The following TBX4 variants were observed in gnomAD, a reference collection of about 807,000 sequenced individuals.
TBX4 encodes T-box transcription factor TBX4.
TBX4 carries 13 observed loss-of-function variants against 54.6 expected under a neutral mutation model. That is an observed-to-expected ratio of 0.24 (90% CI 0.15 to 0.38). TBX4 has a LOEUF of 0.38. TBX4 is among the 10% of genes least tolerant of loss of function. The pLI is 1.00. For synonymous variants in TBX4, 314 were observed against 306.7 expected (o/e 1.02, Z -0.25); for missense variants, 631 against 728.5 (o/e 0.87, Z 1.54).
chr17:61,479,023 A>G lies in TBX4; in HGVS notation c.702+244A>G, dbSNP rs931071961. ...ACGGTCTCTGTGTTTTGGGGAATGG[A>G]GAAAATTGGCAACTGTAAAAACCAG... On this transcript the variant is annotated intron_variant, in intron 6 of 8. Transcript: ENST00000644296. This position sits in a 1 kb window ranked among gnomAD's most constrained non-coding sequence, Gnocchi z 6.1. 1.3e-4 allele frequency among the ~76,000 whole-genome samples: 20 copies of G among 152,182 alleles called. No homozygotes were observed. The highest frequency in any genetic ancestry group is 4.6e-4 in the African/African-American group (19 of 41,446).
At position 61,483,540 on chromosome 17, in the gene TBX4, C is replaced by G. The variant is rs144878479; in HGVS notation, c.*24C>G. 4 of 1,613,578 alleles carry G rather than the reference C, an allele frequency of 2.5e-6. No homozygotes were observed. In the African/African-American group the frequency reaches 5.4e-5, roughly 22 times the overall value. ...GACTCTCACGTCTCCTCCATAGCCC[C>G]GGGACCGTGTTGCTCCAGTATTAAC... On this transcript the variant is annotated 3_prime_UTR_variant, in exon 9 of 9. Transcript: ENST00000644296. This position sits in a 1 kb window ranked among gnomAD's most constrained non-coding sequence, Gnocchi z 6.6.
At chr17:61,455,726 C>T (rs72834684) in intron 1 of TBX4, among the ~76,000 whole-genome samples, 1,601 of 152,270 alleles carry the variant, frequency 0.011, 8 homozygotes, top group Non-Finnish European at 0.017. Flanking sequence ...GGTTCGAACT[C>T]GAGCACCAGG....
rs952203243 is a variant in TBX4, at chr17:61,479,391, G to A, written c.703-490G>A. ...GGGCAGGGGTCACTGGGGAAGGGCC[G>A]TGGCTGTGGTGGATTTTAGGCAGAA... On this transcript the variant is annotated intron_variant, in intron 6 of 8. Transcript: ENST00000644296. The surrounding 1 kb of genome is among the most constrained non-coding windows in gnomAD (Gnocchi z 6.1). Among the ~76,000 whole-genome samples, 11 of 152,212 alleles carry A rather than the reference G, an allele frequency of 7.2e-5. No individual in the cohort carries two copies. The highest frequency in any genetic ancestry group is 1.9e-4 in the East Asian group (1 of 5,198).
chr17:61,480,103 G>A lies in TBX4; in HGVS notation c.805G>A (p.Val269Met), dbSNP rs572207593. Reference sequence around the variant, plus strand: ...CCACCCCTTCAGCAAAGAATACCCCGTGATTTCCAAAAGCATCATGAGGCA... The same window carrying A: ...CCACCCCTTCAGCAAAGAATACCCCATGATTTCCAAAAGCATCATGAGGCA... ...VARLQSKEYP[V>M]ISKSIMRQRL... is the part of the protein sequence containing the mutation. The change falls in exon 8 of 9, where the codon GTG becomes ATG. Residue 269 changes from valine to methionine, a missense_variant. By Grantham distance (21) the Val-to-Met change is conservative. Transcript: ENST00000644296. The surrounding 1 kb of genome is among the most constrained non-coding windows in gnomAD (Gnocchi z 6.2). 63 of 1,613,930 alleles carry A rather than the reference G, an allele frequency of 3.9e-5. No homozygotes were observed. Among genetic ancestry groups the A allele is most frequent in the Middle Eastern group, 1.6e-4 (1 of 6,062 alleles).
At chr17:61,473,779 A>G (rs1307439671) in intron 5 of TBX4, among the ~76,000 whole-genome samples, 2 of 152,214 alleles carry the variant, frequency 1.3e-5, no homozygotes, top group East Asian at 3.8e-4. Flanking sequence ...CTTTATACGG[A>G]TACTGTAAAG....
At position 61,482,998 on chromosome 17, in the gene TBX4, G is replaced by A. The variant is rs770803206; in HGVS notation, c.1123G>A (p.Asp375Asn). The change falls in exon 9 of 9, where the codon GAC (aspartate) becomes AAC (asparagine). Residue 375 changes from aspartate (D) to asparagine (N), a missense_variant. Physicochemically the swap from Asp to Asn is conservative, Grantham distance 23. Coordinates refer to ENST00000644296, the MANE Select transcript of TBX4 (RefSeq NM_001321120.2). ...CTATTTCCGTTCCCCCCCTCCCTAC[G>A]ACCAGCAAATGCTGAGCCCCTCCTA... Reference protein sequence around the residue: ...DHYFRSPPPYDQQMLSPSYCS... With the variant: ...DHYFRSPPPYNQQMLSPSYCS... 3.7e-6 allele frequency: 6 copies of A among 1,613,292 alleles called. No individual in the cohort carries two copies. Among genetic ancestry groups the A allele is most frequent in the Admixed American group, 1.7e-5 (1 of 59,938 alleles).
Position 61,480,158 on chromosome 17 carries a change from C to T in TBX4, c.860C>T (p.Thr287Ile). The T allele has an allele frequency of 3.7e-6, 6 of 1,614,176 alleles. No homozygotes were observed. The highest frequency in any genetic ancestry group is 5.1e-6 in the Non-Finnish European group (6 of 1,180,034). ...QRLISPQLSA[T>I]PDVGPLLGTH... is the part of the protein sequence containing the mutation. ...CTCATCTCCCCCCAGCTCTCAGCCA[C>T]ACCGGACGTGGGCCCCCTGCTCGGC... Residue 287 changes from threonine to isoleucine, a missense_variant, in exon 8 of 9, where the codon ACA becomes ATA. Physicochemically the swap from Thr to Ile is moderately conservative, Grantham distance 89. Around this residue, in one of 3 missense-constraint regions of TBX4, gnomAD observed 354 missense variants for 368.9 expected, o/e 0.96. Coordinates refer to ENST00000644296, the MANE Select transcript of TBX4 (RefSeq NM_001321120.2). This position sits in a 1 kb window ranked among gnomAD's most constrained non-coding sequence, Gnocchi z 6.2.
rs1297955599 is a variant in TBX4, at chr17:61,461,963, AG to A, written c.282-3854del. On this transcript the variant is annotated intron_variant, in intron 3 of 8. Transcript: ENST00000644296. This position sits in a 1 kb window ranked among gnomAD's most constrained non-coding sequence, Gnocchi z 5.1. Reference sequence around the variant, plus strand: ...TCCCCTAGTCTCTGTCCCTTTCCCCAGGAAAGGGGCTGAGAGTAAGCGCCTT... The same window carrying A: ...TCCCCTAGTCTCTGTCCCTTTCCCCAGAAAGGGGCTGAGAGTAAGCGCCTT... Among the ~76,000 whole-genome samples the A allele has an allele frequency of 2.6e-5, 4 of 152,102 alleles. No individual in the cohort carries two copies. Among genetic ancestry groups the A allele is most frequent in the African/African-American group, 7.2e-5 (3 of 41,506 alleles).
intron 5 of TBX4, among the ~76,000 whole-genome samples, chr17:61,477,317 G>T (rs1219643770): frequency 6.6e-6 from 1 of 152,260 alleles, no homozygotes; most frequent in Non-Finnish European, 1.5e-5. Flanking sequence ...CTACCGTGGG[G>T]CGCAGCCAAA....
At chr17:61,453,162 T>A (rs2060425594) in intron 1 of TBX4, among the ~76,000 whole-genome samples, 1 of 152,238 alleles carries the variant, frequency 6.6e-6, no homozygotes, top group South Asian at 2.1e-4. Context: ...TTCCAAATAA[T>A]ACAATCATAG....
rs368323020 is a variant in TBX4, at chr17:61,473,149, AG to A, written c.550-5475del. ...GATAGGAAGGCTTTTCTATTTGCTG[AG>A]GGTTTTCTGGTTCTTCAAAACGTAT... On this transcript the variant is annotated intron_variant, in intron 5 of 8. Coordinates refer to ENST00000644296, the MANE Select transcript of TBX4 (RefSeq NM_001321120.2). Among the ~76,000 whole-genome samples, 538 of 152,328 alleles carry A rather than the reference AG, an allele frequency of 3.5e-3. 4 individuals carry two copies. The highest frequency in any genetic ancestry group is 0.012 in the African/African-American group (493 of 41,576).
intron 5 of TBX4, among the ~76,000 whole-genome samples, chr17:61,477,280 A>T (rs1315457170): frequency 6.6e-6 from 1 of 152,252 alleles, no homozygotes; most frequent in African/African-American, 2.4e-5. Flanking sequence ...GATAAAAAAT[A>T]CATTTTAATG....
Position 61,457,471 on chromosome 17 carries a change from T to C in TBX4, c.187-66T>C. 1.3e-6 allele frequency: 2 copies of C among 1,508,300 alleles called. No individual in the cohort carries two copies. The highest frequency in any genetic ancestry group is 1.1e-5 in the South Asian group (1 of 88,910). The allele number at this position is 1,508,300 out of a possible 1,614,324, so 93.4% of individuals were successfully genotyped here. A position where few individuals can be genotyped will look rare whatever the true frequency, so the allele number is the denominator to read the frequency against. ...CACAGCTCTTCGGGTCTGGTTCTTC[T>C]TTCCTCAGGCTCCGCGTGGAGCCCT... On this transcript the variant is annotated intron_variant, in intron 2 of 8. Transcript: ENST00000644296. The surrounding 1 kb of genome is among the most constrained non-coding windows in gnomAD (Gnocchi z 8.2).
chr17:61,461,405 T>C lies in TBX4; in HGVS notation c.281+3774T>C, dbSNP rs2060493394. ...GCAGCCCCACTCCTAACCCCAGCCTTGGATGCTGGGCCCTGGCCTCTTCCC... is the reference window on the plus strand; with the variant it reads ...GCAGCCCCACTCCTAACCCCAGCCTCGGATGCTGGGCCCTGGCCTCTTCCC... On this transcript the variant is annotated intron_variant, in intron 3 of 8. Transcript: ENST00000644296. This position sits in a 1 kb window ranked among gnomAD's most constrained non-coding sequence, Gnocchi z 5.1. Among the ~76,000 whole-genome samples the C allele has an allele frequency of 6.6e-6, 1 of 152,148 alleles. No homozygotes were observed. The highest frequency in any genetic ancestry group is 1.5e-5 in the Non-Finnish European group (1 of 68,026).
chr17:61,459,336 G>A lies in TBX4; in HGVS notation c.281+1705G>A, dbSNP rs1056079788. ...TGTGAAACTCAAACCAGGGAATCACGTGGATGATGGTTGGTAAATGGATAA... is the reference window on the plus strand; with the variant it reads ...TGTGAAACTCAAACCAGGGAATCACATGGATGATGGTTGGTAAATGGATAA... On this transcript the variant is annotated intron_variant, in intron 3 of 8. Coordinates refer to ENST00000644296, the MANE Select transcript of TBX4 (RefSeq NM_001321120.2). The surrounding 1 kb of genome is among the most constrained non-coding windows in gnomAD (Gnocchi z 4.8). 3.3e-5 allele frequency among the ~76,000 whole-genome samples: 5 copies of A among 152,234 alleles called. No individual in the cohort carries two copies. Among genetic ancestry groups the A allele is most frequent in the African/African-American group, 7.2e-5 (3 of 41,446 alleles).
rs760723152 is a variant in TBX4, at chr17:61,479,858, C to A, written c.703-23C>A. 2.9e-5 allele frequency: 46 copies of A among 1,609,556 alleles called. No homozygotes were observed. Among genetic ancestry groups the A allele is most frequent in the Admixed American group, 1.2e-4 (7 of 60,000 alleles). ...ACATTTGTGTGCCTCACACTGGTGA[C>A]CCTATGTGTTTTCTCCCCACAGATC... On this transcript the variant is annotated intron_variant, in intron 6 of 8. Coordinates refer to ENST00000644296, the MANE Select transcript of TBX4 (RefSeq NM_001321120.2). The surrounding 1 kb of genome is among the most constrained non-coding windows in gnomAD (Gnocchi z 6.1).
Position 61,460,535 on chromosome 17 carries a change from G to A in TBX4, c.281+2904G>A, listed in dbSNP as rs1164713905. Among the ~76,000 whole-genome samples, 2 of 152,102 alleles carry A rather than the reference G, an allele frequency of 1.3e-5. No individual in the cohort carries two copies. The highest frequency in any genetic ancestry group is 6.5e-5 in the Admixed American group (1 of 15,274). On this transcript the variant is annotated intron_variant, in intron 3 of 8. Transcript: ENST00000644296. The surrounding 1 kb of genome is among the most constrained non-coding windows in gnomAD (Gnocchi z 4.4). The stretch of plus-strand genomic sequence containing the variant: ...AGCCACCAGTTTCTGAATACTCAGC[G>A]ACCTCCATGTCAGGTGTGAAATGGG...
Position 61,478,902 on chromosome 17 carries a change from G to A in TBX4, c.702+123G>A, listed in dbSNP as rs1031754740. 1.3e-5 allele frequency: 19 copies of A among 1,508,596 alleles called. No individual in the cohort carries two copies. Among genetic ancestry groups the A allele is most frequent in the South Asian group, 8.0e-5 (7 of 87,900 alleles). The allele number at this position is 1,508,596 out of a possible 1,614,324, so 93.5% of individuals were successfully genotyped here. Reference sequence around the variant, plus strand: ...CAGGGCTTGGGCAGGCCCAGTGCAGGGACCTCAGAAGCCTAGAGTCCCTCG... The same window carrying A: ...CAGGGCTTGGGCAGGCCCAGTGCAGAGACCTCAGAAGCCTAGAGTCCCTCG... On this transcript the variant is annotated intron_variant, in intron 6 of 8. Transcript: ENST00000644296. The surrounding 1 kb of genome is among the most constrained non-coding windows in gnomAD (Gnocchi z 7.4).
Position 61,480,023 on chromosome 17 carries a change from C to G in TBX4, c.791+54C>G. 4 of 1,611,510 alleles carry G rather than the reference C, an allele frequency of 2.5e-6. No homozygotes were observed. Among genetic ancestry groups the G allele is most frequent in the Non-Finnish European group, 3.4e-6 (4 of 1,177,720 alleles). On this transcript the variant is annotated intron_variant, in intron 7 of 8. Coordinates refer to ENST00000644296, the MANE Select transcript of TBX4 (RefSeq NM_001321120.2). This position sits in a 1 kb window ranked among gnomAD's most constrained non-coding sequence, Gnocchi z 6.2. ...GGGCAGATGGGATTCAGGCACGTGG[C>G]CTCTGTGACCCTCGATGTATCTTCA...
Sources: allele counts gnomAD v4.1 joint callset (sites outside exome capture counted in the v4.1 genomes callset), GRCh38; gene constraint gnomAD v4.1.1; regional missense constraint gnomAD v4.1.1; non-coding constraint Gnocchi (gnomAD v3.1); transcripts MANE v1.5; gene names NCBI Gene and HGNC (gene_info 2026-07-23, HGNC 2026-07-21).